PCSK5: variants seen among roughly 807,000 people sequenced by gnomAD.
The protein encoded by PCSK5 is proprotein convertase subtilisin/kexin type 5.
PCSK5 carries 129 observed loss-of-function variants against 233.2 expected under a neutral mutation model. The ratio of observed to expected loss-of-function variants is 0.55; its 90% CI spans 0.48 to 0.64. PCSK5 has a LOEUF of 0.64. Among genes scored for constraint, PCSK5 ranks in the 30% least tolerant of loss-of-function variants. PCSK5 has a pLI of 0.00. For synonymous variants in PCSK5, 825 were observed against 879.2 expected, an observed-to-expected ratio of 0.94 and a Z score of 1.09; for missense variants, 2,076 against 2,430.1, an observed-to-expected ratio of 0.85 and a Z score of 3.06.
chr9:75,921,137 G>A (rs184357122), intron 1 of PCSK5, among the ~76,000 whole-genome samples: 2 of 152,116 alleles, frequency 1.3e-5, no homozygotes, highest in East Asian at 1.9e-4. Context: ...TGTTTCTGCC[G>A]AATGAAATGG....
intron 2 of PCSK5, among the ~76,000 whole-genome samples, chr9:75,974,337 C>T (rs553574614): frequency 3.6e-4 from 55 of 152,278 alleles, no homozygotes; most frequent in African/African-American, 1.2e-3. Flanking sequence ...CAAGTTTTGT[C>T]GAGTACCACC....
intron 21 of PCSK5, among the ~76,000 whole-genome samples, chr9:76,231,646 A>G (rs967394359): frequency 6.6e-6 from 1 of 152,202 alleles, no homozygotes; most frequent in African/African-American, 2.4e-5. Context: ...TAAACTAGCC[A>G]CATCCAGACT....
At position 76,325,002 on chromosome 9, in the gene PCSK5, C is replaced by T. The variant is rs369715366; in HGVS notation, c.4339+1714C>T. ...TTTAGTAGGACACGAAGATGTGTCT[C>T]GGTCCTGAAGGCTTTCTGCTCCAGC... On this transcript the variant is annotated intron_variant, in intron 32 of 37. Coordinates refer to ENST00000674117, the MANE Select transcript of PCSK5 (RefSeq NM_001372043.1). Among the ~76,000 whole-genome samples, 5 of 152,142 alleles carry T rather than the reference C, an allele frequency of 3.3e-5. No individual in the cohort carries two copies. In the East Asian group the frequency reaches 7.7e-4, roughly 23 times the overall value.
Position 75,891,114 on chromosome 9 carries a change from G to A in PCSK5, c.-68G>A. The A allele has an allele frequency of 2.2e-6, 3 of 1,360,738 alleles. No homozygotes were observed. Among genetic ancestry groups the A allele is most frequent in the Admixed American group, 3.6e-5 (1 of 28,158 alleles). The allele number at this position is 1,360,738 out of a possible 1,614,324, so 84.3% of individuals were successfully genotyped here. ...TCGCCGGGCGGCGCAGGCCGGAGAA[G>A]TTAGTTGTGCGCGCCCTTAGTGCGC... is the stretch of plus-strand genomic sequence containing the variant. On this transcript the variant is annotated 5_prime_UTR_variant, in exon 1 of 38. Coordinates refer to ENST00000674117, the MANE Select transcript of PCSK5 (RefSeq NM_001372043.1).
chr9:76,150,802 T>C lies in PCSK5; in HGVS notation c.1313-6243T>C, dbSNP rs145978280. 3.7e-4 allele frequency among the ~76,000 whole-genome samples: 56 copies of C among 152,136 alleles called. No homozygotes were observed. In the South Asian group the frequency reaches 3.9e-3, roughly 11 times the overall value. ...AGCTCATGCTCCTTTCGCACTGAAATATAAGAGTACGCGAAGAAGAGGTAG... is the reference window on the plus strand; with the variant it reads ...AGCTCATGCTCCTTTCGCACTGAAACATAAGAGTACGCGAAGAAGAGGTAG... On this transcript the variant is annotated intron_variant, in intron 10 of 37. Transcript: ENST00000674117.
intron 2 of PCSK5, among the ~76,000 whole-genome samples, chr9:75,935,830 C>T (rs1824030906): frequency 6.6e-6 from 1 of 152,164 alleles, no homozygotes; most frequent in African/African-American, 2.4e-5. Flanking sequence ...GTGTTCTTCT[C>T]AGTACATCAG....
intron 10 of PCSK5, among the ~76,000 whole-genome samples, chr9:76,142,626 A>C (rs1237697952): frequency 1.3e-5 from 2 of 152,228 alleles, no homozygotes; most frequent in African/African-American, 4.8e-5. Context: ...GCATTCTAAT[A>C]AAACATATTC....
chr9:76,227,558 G>C lies in PCSK5; in HGVS notation c.2682G>C (p.Lys894Asn), dbSNP rs759735017. The C allele has an allele frequency of 6.2e-7, 1 of 1,612,324 alleles. No homozygotes were observed. The highest frequency in any genetic ancestry group is 8.5e-7 in the Non-Finnish European group (1 of 1,179,700). The change falls in exon 21 of 38, where the codon AAG becomes AAC. Residue 894 changes from lysine (K) to asparagine (N), a missense_variant. Around this residue, in one of 6 missense-constraint regions of PCSK5, gnomAD observed 1,510 missense variants for 1,538.1 expected, o/e 0.98. Transcript: ENST00000674117. ...HCQTCEASCA[K>N]CQGPTQEDCT... ...AGACCTGTGAGGCCTCATGTGCCAA[G>C]TGCCAGGGACCAACCCAGGAAGACT...
At chr9:76,144,942 A>G (rs1195609291) in intron 10 of PCSK5, among the ~76,000 whole-genome samples, 1 of 152,166 alleles carries the variant, frequency 6.6e-6, no homozygotes, top group Admixed American at 6.5e-5. Flanking sequence ...CCTGGCCAAC[A>G]TGGTGAAACC....
At chr9:76,201,736 G>C (rs1171885800) in intron 20 of PCSK5, among the ~76,000 whole-genome samples, 1 of 152,162 alleles carries the variant, frequency 6.6e-6, no homozygotes, top group Non-Finnish European at 1.5e-5. Flanking sequence ...AATCAAAATG[G>C]ACCTAAGGTA....
At chr9:76,357,677 G>A (rs1008516376) in intron 37 of PCSK5, among the ~76,000 whole-genome samples, 1 of 152,264 alleles carries the variant, frequency 6.6e-6, no homozygotes, top group Non-Finnish European at 1.5e-5. Context: ...TCTTTAGACT[G>A]TAGCATGGAG....
chr9:76,302,194 G>T lies in PCSK5; in HGVS notation c.3581G>T (p.Arg1194Met), dbSNP rs377481863. Residue 1194 changes from arginine to methionine, a missense_variant, in exon 28 of 38, where the codon AGG (arginine) becomes ATG (methionine). Physicochemically the swap from Arg to Met is moderately conservative, Grantham distance 91. This residue lies in a region of PCSK5 where 1,510 missense variants were observed against 1,538.1 expected (regional missense o/e 0.98). Coordinates refer to ENST00000674117, the MANE Select transcript of PCSK5 (RefSeq NM_001372043.1). The part of the protein sequence containing the change: ...VVKSLLQERR[R>M]WKVQIKRDIL... ...AAGAGCCTGCTGCAGGAGCGACGAA[G>T]GTGGAAAGTTCAAATCAAAAGAGGT... 2.1e-5 allele frequency: 28 copies of T among 1,355,388 alleles called. No homozygotes were observed. In the African/African-American group the frequency reaches 3.4e-4, roughly 17 times the overall value. The allele number at this position is 1,355,388 out of a possible 1,614,324, so 84.0% of individuals were successfully genotyped here.
intron 1 of PCSK5, among the ~76,000 whole-genome samples, chr9:75,896,246 A>C (rs144858587): frequency 1.3e-5 from 2 of 152,208 alleles, no homozygotes; most frequent in East Asian, 3.8e-4. Context: ...TGTCTGCTGC[A>C]TTAACCTCAT....
intron 1 of PCSK5, among the ~76,000 whole-genome samples, chr9:75,913,920 A>G (rs1822867187): frequency 6.6e-6 from 1 of 152,184 alleles, no homozygotes; most frequent in South Asian, 2.1e-4. Context: ...CAAACTTTGC[A>G]AGGCCCTTCT....
In PCSK5 at chr9:76,322,834, A is replaced by C. The variant is rs12349224; in HGVS notation, c.4103-218A>C. Among the ~76,000 whole-genome samples, 272 of 152,342 alleles carry C rather than the reference A, an allele frequency of 1.8e-3. 1 individual carries two copies. The highest frequency in any genetic ancestry group is 6.8e-3 in the Middle Eastern group (2 of 294). On this transcript the variant is annotated intron_variant, in intron 31 of 37. Coordinates refer to ENST00000674117, the MANE Select transcript of PCSK5 (RefSeq NM_001372043.1). ...AAAGGGCAGACCATTTCATTGTGTA[A>C]GTCCAGCACCATCTAATACGGTCAC...
At chr9:75,959,768 C>T (rs1343108484) in intron 2 of PCSK5, among the ~76,000 whole-genome samples, 2 of 152,152 alleles carry the variant, frequency 1.3e-5, no homozygotes, top group Admixed American at 6.5e-5. Context: ...AAACATTCAA[C>T]TGAAAAGACT....
intron 3 of PCSK5, among the ~76,000 whole-genome samples, chr9:76,018,147 A>T (rs554931803): frequency 1.3e-5 from 2 of 151,632 alleles, no homozygotes; most frequent in African/African-American, 4.9e-5. Context: ...ATGGAGCAGG[A>T]CTAACCATAG....
intron 1 of PCSK5, among the ~76,000 whole-genome samples, chr9:75,891,579 G>A (rs1197342010): frequency 1.3e-5 from 2 of 151,974 alleles, no homozygotes; most frequent in East Asian, 3.9e-4. Context: ...GAGTTGCCGG[G>A]TCCGTGTTTT....
chr9:76,117,578 A>G (rs1248506251), intron 9 of PCSK5, among the ~76,000 whole-genome samples: 1 of 152,118 alleles, frequency 6.6e-6, no homozygotes, highest in African/African-American at 2.4e-5. Context: ...TTTTCGTCTA[A>G]TAGAGCTTGC....
Sources: allele counts gnomAD v4.1 joint callset (sites outside exome capture counted in the v4.1 genomes callset), GRCh38; gene constraint gnomAD v4.1.1; regional missense constraint gnomAD v4.1.1; transcripts MANE v1.5; gene names NCBI Gene and HGNC (gene_info 2026-07-23, HGNC 2026-07-21).